The following PPA2 variants were observed in gnomAD, a reference collection of about 807,000 sequenced individuals.
The protein encoded by PPA2 is inorganic pyrophosphatase 2, mitochondrial.
A neutral mutation model predicts 49.5 loss-of-function variants in PPA2; 48 were observed. That is an observed-to-expected ratio of 0.97 (90% CI 0.77 to 1.23). The LOEUF (loss-of-function observed/expected upper bound fraction) is 1.23. Ranked by LOEUF, PPA2 falls within the 50% of genes most tolerant of loss-of-function variation. PPA2 has a pLI of 0.00. For missense variants in PPA2, 429 were observed against 410.1 expected (o/e 1.05, Z -0.40); for synonymous variants, 131 against 139.9 (o/e 0.94, Z 0.45).
chr4:105,392,144 A>G (rs542262000), intron 9 of PPA2, among the ~76,000 whole-genome samples: 2 of 152,318 alleles, frequency 1.3e-5, no homozygotes, highest in African/African-American at 2.4e-5. Flanking sequence ...ATGTCAAAAA[A>G]TGATTTCTCC....
chr4:105,372,040 C>T (rs1030676957), intron 10 of PPA2, among the ~76,000 whole-genome samples: 2 of 152,120 alleles, frequency 1.3e-5, no homozygotes, highest in Non-Finnish European at 2.9e-5. Context: ...GCAGAAGTAA[C>T]GGTGGGTACA....
At chr4:105,390,518 AAAG>A (rs1184058913) in intron 9 of PPA2, among the ~76,000 whole-genome samples, 2 of 152,220 alleles carry the variant, frequency 1.3e-5, no homozygotes, top group Non-Finnish European at 2.9e-5. Flanking sequence ...ACATTTCTTG[AAAG>A]AAGACATTTA....
intron 11 of PPA2, 99 bp from the exon 12 acceptor site, chr4:105,369,852 A>C: frequency 8.9e-7 from 1 of 1,118,916 alleles, no homozygotes; most frequent in Non-Finnish European, 1.4e-6. Flanking sequence ...GGAAGTATTT[A>C]GGCAGATACA....
chr4:105,373,463 AT>A (rs35233876), intron 10 of PPA2, among the ~76,000 whole-genome samples: 37,937 of 151,680 alleles, frequency 0.25, 4,861 homozygotes, highest in East Asian at 0.44. Flanking sequence ...ACAATACAAA[AT>A]TTTTTTTCTC....
At chr4:105,468,962 G>T (rs151021236) in intron 1 of PPA2, among the ~76,000 whole-genome samples, 1 of 152,006 alleles carries the variant, frequency 6.6e-6, no homozygotes, top group Admixed American at 6.6e-5. Context: ...CCTAAACTAC[G>T]TCCCCTGAAC....
At chr4:105,441,096 G>A (rs1046311779) in intron 5 of PPA2, among the ~76,000 whole-genome samples, 5 of 152,102 alleles carry the variant, frequency 3.3e-5, no homozygotes, top group Non-Finnish European at 7.4e-5. Flanking sequence ...GCCCTCTTGT[G>A]GAGTCTTATG....
intron 5 of PPA2, among the ~76,000 whole-genome samples, chr4:105,442,302 A>T (rs1036584889): frequency 1.3e-5 from 2 of 152,160 alleles, no homozygotes; most frequent in African/African-American, 4.8e-5. Context: ...TGATCAACTC[A>T]TTCAATACTC....
chr4:105,455,156 CATA>C (rs1722828712), intron 2 of PPA2, among the ~76,000 whole-genome samples: 1 of 152,076 alleles, frequency 6.6e-6, no homozygotes, highest in Admixed American at 6.5e-5. Context: ...GTGCCTGGCT[CATA>C]ATAAGCATTC....
intron 7 of PPA2, among the ~76,000 whole-genome samples, chr4:105,421,301 A>C (rs777083460): frequency 6.6e-6 from 1 of 152,224 alleles, no homozygotes; most frequent in African/African-American, 2.4e-5. Flanking sequence ...CATTTACAGA[A>C]GGAAGCAACC....
chr4:105,432,026 C>T (rs1205097619), intron 6 of PPA2, among the ~76,000 whole-genome samples: 1 of 152,160 alleles, frequency 6.6e-6, no homozygotes, highest in African/African-American at 2.4e-5. Flanking sequence ...TTGTACAACA[C>T]TGTGAATGTA....
intron 7 of PPA2, among the ~76,000 whole-genome samples, chr4:105,415,646 C>T (rs1285138660): frequency 6.6e-6 from 1 of 152,096 alleles, no homozygotes; most frequent in Non-Finnish European, 1.5e-5. Flanking sequence ...GTGATCCCAC[C>T]CTGCCAACTC....
chr4:105,376,662 T>C (rs77994146), intron 10 of PPA2, among the ~76,000 whole-genome samples: 9,640 of 152,294 alleles, frequency 0.063, 436 homozygotes, highest in South Asian at 0.095. Flanking sequence ...AGGTTCACAG[T>C]GGCATGGGTC....
chr4:105,462,761 G>GTCTTTCCTGTGCTGTTC (rs1723145759), intron 1 of PPA2, among the ~76,000 whole-genome samples: 1 of 152,164 alleles, frequency 6.6e-6, no homozygotes, highest in Non-Finnish European at 1.5e-5. Flanking sequence ...ATAGGGGTAA[G>GTCTTTCCTGTGCTGTTC]TCTTTCCTGT....
At chr4:105,397,497 G>A (rs1378795232) in intron 8 of PPA2, among the ~76,000 whole-genome samples, 1 of 152,048 alleles carries the variant, frequency 6.6e-6, no homozygotes, top group East Asian at 1.9e-4. Context: ...TAAAAGAAAG[G>A]AGCCATCTTT....
intron 10 of PPA2, among the ~76,000 whole-genome samples, chr4:105,384,093 G>T (rs1374103534): frequency 6.6e-5 from 10 of 152,124 alleles, no homozygotes; most frequent in African/African-American, 2.4e-4. Context: ...ATATGAGAAA[G>T]GTGTTAACTA....
At chr4:105,414,014 C>T (rs190248651) in intron 7 of PPA2, among the ~76,000 whole-genome samples, 5 of 152,122 alleles carry the variant, frequency 3.3e-5, no homozygotes, top group African/African-American at 1.2e-4. Flanking sequence ...GAATGTCAAC[C>T]CCAATAGAAA....
Position 105,396,365 on chromosome 4 carries a change from G to A in PPA2, c.784-31C>T, listed in dbSNP as rs543562397. 2.1e-5 allele frequency: 30 copies of A among 1,428,246 alleles called. 1 individual carries two copies. Among genetic ancestry groups the A allele is most frequent in the African/African-American group, 4.3e-5 (3 of 69,878 alleles). 88.5% of individuals were successfully genotyped at this position (1,428,246 alleles called of 1,614,324 possible). A position where few individuals can be genotyped will look rare whatever the true frequency, so the allele number is the denominator to read the frequency against. Reference sequence around the variant, plus strand: ...TCCAAACAAACAAATAAAAAAAGACGTATTTAATATCAGTCACATTGTTAC... The same window carrying A: ...TCCAAACAAACAAATAAAAAAAGACATATTTAATATCAGTCACATTGTTAC... On this transcript the variant is annotated intron_variant, in intron 8 of 11. Transcript: ENST00000341695.
At chr4:105,393,440 C>A (rs940546929) in intron 9 of PPA2, among the ~76,000 whole-genome samples, 1 of 150,266 alleles carries the variant, frequency 6.7e-6, no homozygotes, top group Non-Finnish European at 1.5e-5. Flanking sequence ...GTCATGTTCG[C>A]GCCCCTGCAC....
At chr4:105,413,128 A>G (rs560018747) in intron 7 of PPA2, among the ~76,000 whole-genome samples, 1 of 152,338 alleles carries the variant, frequency 6.6e-6, no homozygotes, top group East Asian at 1.9e-4. Context: ...TGGCACATAT[A>G]CACCATGGAA....
Sources: gnomAD v4.1 joint callset for allele counts (sites outside exome capture counted in the v4.1 genomes callset) on GRCh38, gnomAD v4.1.1 for gene constraint, MANE v1.5 for transcripts, NCBI Gene and HGNC (gene_info 2026-07-23, HGNC 2026-07-21) for gene names.